NARS2: variants seen among roughly 807,000 people sequenced by gnomAD.
NARS2 encodes the protein asparaginyl-tRNA synthetase.
A neutral mutation model predicts 62.9 loss-of-function variants in NARS2; 60 were observed. The ratio of observed to expected loss-of-function variants is 0.95; its 90% CI spans 0.77 to 1.18. NARS2 has a LOEUF of 1.18. Among genes scored for constraint, NARS2 ranks in the 50% most tolerant of loss-of-function variants. The pLI is 0.00. For missense variants in NARS2, 619 were observed against 576.4 expected, an observed-to-expected ratio of 1.07 and a Z score of -0.76; for synonymous variants, 196 against 200.0, an observed-to-expected ratio of 0.98 and a Z score of 0.17.
chr11:78,510,317 G>C (rs1278137512), intron 6 of NARS2, among the ~76,000 whole-genome samples: 1 of 152,104 alleles, frequency 6.6e-6, no homozygotes, highest in Non-Finnish European at 1.5e-5. Flanking sequence ...AGACAAAAGA[G>C]AGCACGGGTG....
intron 13 of NARS2, 29 bp downstream of exon 13, chr11:78,441,062 G>GT (rs1249868315): frequency 6.2e-7 from 1 of 1,606,166 alleles, no homozygotes; most frequent in African/African-American, 1.3e-5. Flanking sequence ...AGCAGCTAGA[G>GT]TAAGAATTAT....
At chr11:78,503,285 T>G (rs1402925064) in intron 6 of NARS2, among the ~76,000 whole-genome samples, 1 of 152,182 alleles carries the variant, frequency 6.6e-6, no homozygotes, top group Non-Finnish European at 1.5e-5. Context: ...TCACCCAGAC[T>G]GGAGTGCAGT....
At chr11:78,483,808 C>T (rs190537776) in intron 7 of NARS2, among the ~76,000 whole-genome samples, 10 of 152,276 alleles carry the variant, frequency 6.6e-5, no homozygotes, top group Admixed American at 6.5e-4. Flanking sequence ...TGAAAATGGC[C>T]ATGCTGCCCA....
intron 9 of NARS2, among the ~76,000 whole-genome samples, chr11:78,478,037 T>C (rs187983237): frequency 6.1e-4 from 93 of 152,298 alleles, no homozygotes; most frequent in Middle Eastern, 6.8e-3. Context: ...GGTAATCTCT[T>C]AGTTTTCTGT....
chr11:78,555,137 T>C (rs1026522857), intron 5 of NARS2: 32 of 152,236 alleles, frequency 2.1e-4, no homozygotes, highest in African/African-American at 7.5e-4. Context: ...TTTGCAAGTA[T>C]TTTGTTGAGG....
chr11:78,487,383 AAGAG>A (rs974610887), intron 7 of NARS2, among the ~76,000 whole-genome samples: 10 of 151,080 alleles, frequency 6.6e-5, no homozygotes, highest in South Asian at 4.2e-4. Context: ...AAGAAAGAAA[AAGAG>A]AGAGAGAGAG....
At chr11:78,437,079 C>T (rs1384625294) in intron 13 of NARS2, among the ~76,000 whole-genome samples, 1 of 152,104 alleles carries the variant, frequency 6.6e-6, no homozygotes, top group Non-Finnish European at 1.5e-5. Context: ...TATATTTATG[C>T]ATTTATGACA....
At chr11:78,446,002 T>C (rs1001649057) in intron 11 of NARS2, among the ~76,000 whole-genome samples, 5 of 152,184 alleles carry the variant, frequency 3.3e-5, no homozygotes, top group Admixed American at 6.5e-5. Flanking sequence ...TATTATTTTG[T>C]GACTTTCCTG....
chr11:78,525,855 C>T (rs907765287), intron 6 of NARS2, among the ~76,000 whole-genome samples: 2 of 152,074 alleles, frequency 1.3e-5, no homozygotes, highest in African/African-American at 2.4e-5. Context: ...TACAATGTGA[C>T]GGGACAAGCC....
chr11:78,516,029 G>A (rs1475256911), intron 6 of NARS2, among the ~76,000 whole-genome samples: 1 of 152,172 alleles, frequency 6.6e-6, no homozygotes, highest in East Asian at 1.9e-4. Flanking sequence ...TCTGGGCCAT[G>A]AAAAGTTGGG....
intron 11 of NARS2, among the ~76,000 whole-genome samples, chr11:78,454,511 A>T (rs749933964): frequency 6.6e-6 from 1 of 152,124 alleles, no homozygotes; most frequent in Admixed American, 6.5e-5. Context: ...TGTCATGAGT[A>T]AAAGCTTCCT....
rs143106742 is a variant in NARS2, at chr11:78,539,380, C to G, written c.595-10444G>C. Among the ~76,000 whole-genome samples, 6 of 152,186 alleles carry G rather than the reference C, an allele frequency of 3.9e-5. No individual in the cohort carries two copies. In the East Asian group the frequency reaches 1.2e-3, roughly 29 times the overall value. On this transcript the variant is annotated intron_variant, in intron 5 of 13. Transcript: ENST00000281038. ...CAGGCAGGGGAGGTATGAATTAAGT[C>G]TGACATCTAGATTTTTTACTTAAGC...
intron 6 of NARS2, among the ~76,000 whole-genome samples, chr11:78,509,301 G>C (rs1183300702): frequency 6.6e-6 from 1 of 152,088 alleles, no homozygotes; most frequent in Non-Finnish European, 1.5e-5. Flanking sequence ...AAAAGAGTTT[G>C]TTACTGGACA....
intron 6 of NARS2, among the ~76,000 whole-genome samples, chr11:78,520,683 A>G (rs1861082347): frequency 6.6e-6 from 1 of 152,202 alleles, no homozygotes; most frequent in Non-Finnish European, 1.5e-5. Flanking sequence ...CTGTGTCTTA[A>G]AACATTTTGC....
intron 11 of NARS2, among the ~76,000 whole-genome samples, chr11:78,453,076 C>T (rs1357122883): frequency 6.6e-6 from 1 of 152,212 alleles, no homozygotes; most frequent in Non-Finnish European, 1.5e-5. Flanking sequence ...AACTAAAAAT[C>T]TCTATTGTGT....
At chr11:78,449,688 T>A (rs929679557) in intron 11 of NARS2, among the ~76,000 whole-genome samples, 1 of 152,160 alleles carries the variant, frequency 6.6e-6, no homozygotes, top group African/African-American at 2.4e-5. Context: ...CATTTTTAAC[T>A]AGATACTTCT....
intron 7 of NARS2, among the ~76,000 whole-genome samples, chr11:78,492,080 A>G (rs914163835): frequency 1.9e-4 from 29 of 150,236 alleles, no homozygotes; most frequent in South Asian, 6.3e-4. Context: ...AAATTATGCT[A>G]AGTACTTCAT....
chr11:78,544,579 G>A (rs1855772888), intron 5 of NARS2, among the ~76,000 whole-genome samples: 1 of 152,126 alleles, frequency 6.6e-6, no homozygotes, highest in African/African-American at 2.4e-5. Context: ...GATCACTTGA[G>A]GTCAGGAGAT....
At chr11:78,444,727 C>CCAAAA (rs1857693958) in intron 11 of NARS2, among the ~76,000 whole-genome samples, 1 of 92,416 alleles carries the variant, frequency 1.1e-5, no homozygotes, top group African/African-American at 3.6e-5. Context: ...TCAAACAAAA[C>CCAAAA]AAAAAAAAAA....
Sources: gnomAD v4.1 joint callset for allele counts (sites outside exome capture counted in the v4.1 genomes callset) on GRCh38, gnomAD v4.1.1 for gene constraint, MANE v1.5 for transcripts, NCBI Gene and HGNC (gene_info 2026-07-23, HGNC 2026-07-21) for gene names.